The following LURAP1L variants were observed in gnomAD, a reference collection of about 807,000 sequenced individuals.
LURAP1L encodes the protein leucine rich adaptor protein 1-like.
In LURAP1L, 12 loss-of-function variants were observed where a neutral mutation model predicts 13.8. The observed-to-expected ratio is 0.87, with a 90% CI of 0.56 to 1.41. The LOEUF (loss-of-function observed/expected upper bound fraction) is 1.41. LURAP1L is among the 40% of genes most tolerant of loss of function. The pLI is 0.00. For missense variants in LURAP1L, 375 were observed against 292.9 expected (o/e 1.28, Z -2.04); for synonymous variants, 139 against 119.2 (o/e 1.17, Z -1.08).
At chr9:12,802,844 C>T (rs962076686) in intron 1 of LURAP1L, among the ~76,000 whole-genome samples, 10 of 152,158 alleles carry the variant, frequency 6.6e-5, no homozygotes, top group African/African-American at 2.4e-4. Context: ...CCAACACCTG[C>T]TCCCCTGGTT....
intron 1 of LURAP1L, among the ~76,000 whole-genome samples, chr9:12,792,839 A>G (rs374409087): frequency 1.1e-4 from 16 of 151,944 alleles, no homozygotes; most frequent in African/African-American, 3.9e-4. Context: ...TTTACCATTT[A>G]TATTTGTGCT....
intron 1 of LURAP1L, among the ~76,000 whole-genome samples, chr9:12,799,584 C>T (rs1351128862): frequency 6.6e-6 from 1 of 152,032 alleles, no homozygotes; most frequent in African/African-American, 2.4e-5. Flanking sequence ...ATGTGGAAGA[C>T]ATTTTAAAAA....
intron 1 of LURAP1L, among the ~76,000 whole-genome samples, chr9:12,792,034 T>C (rs545302772): frequency 6.6e-6 from 1 of 152,222 alleles, no homozygotes; most frequent in Admixed American, 6.5e-5. Flanking sequence ...GCCTAAAGCA[T>C]AGGAGGGTTG....
intron 1 of LURAP1L, among the ~76,000 whole-genome samples, chr9:12,800,753 A>C (rs746927917): frequency 1.7e-4 from 26 of 152,326 alleles, no homozygotes; most frequent in Non-Finnish European, 2.8e-4. Context: ...GCCTCCTCAG[A>C]AGCTGAGCAG....
At chr9:12,793,582 C>T (rs887124009) in intron 1 of LURAP1L, among the ~76,000 whole-genome samples, 2 of 152,024 alleles carry the variant, frequency 1.3e-5, no homozygotes, top group African/African-American at 4.8e-5. Context: ...AGGTGGAACA[C>T]ATATTCAGTG....
At chr9:12,816,478 C>G (rs576522226) in intron 1 of LURAP1L, among the ~76,000 whole-genome samples, 1 of 152,300 alleles carries the variant, frequency 6.6e-6, no homozygotes, top group Non-Finnish European at 1.5e-5. Flanking sequence ...TACCATGTTC[C>G]TCATACAACA....
rs985183267 is a variant in LURAP1L at position 12,775,906 on chromosome 9, G to A, written c.191G>A (p.Ser64Asn). The A allele has an allele frequency of 9.6e-5, 151 of 1,567,998 alleles. No homozygotes were observed. Among genetic ancestry groups the A allele is most frequent in the Non-Finnish European group, 1.3e-4 (145 of 1,156,224 alleles). ...GGCSSSSSYC[S>N]FPPSLSSSSS... The stretch of plus-strand genomic sequence containing the variant: ...TGCAGTAGCAGCAGCAGCTACTGCA[G>A]CTTCCCTCCCTCCTTGTCGTCCTCC... Residue 64 changes from serine to asparagine, a missense_variant, in exon 1 of 2, where the codon AGC (serine) becomes AAC (asparagine). Transcript: ENST00000319264.
chr9:12,782,028 A>C (rs1675793301), intron 1 of LURAP1L, among the ~76,000 whole-genome samples: 2 of 152,184 alleles, frequency 1.3e-5, no homozygotes. Context: ...AGCACTTTTG[A>C]ATATACCTGA....
intron 1 of LURAP1L, among the ~76,000 whole-genome samples, chr9:12,820,318 C>A (rs1314128969): frequency 6.6e-6 from 1 of 152,038 alleles, no homozygotes; most frequent in Non-Finnish European, 1.5e-5. Flanking sequence ...TCCTGGCCAA[C>A]ATGGTGAAAC....
Position 12,779,344 on chromosome 9 carries a change from G to T in LURAP1L, c.312+3317G>T, listed in dbSNP as rs1024734738. Among the ~76,000 whole-genome samples the T allele has an allele frequency of 6.1e-4, 83 of 135,952 alleles. 1 individual carries two copies. The highest frequency in any genetic ancestry group is 2.1e-3 in the African/African-American group (78 of 36,390). 89.2% of individuals were successfully genotyped at this position (135,952 alleles called of 152,430 possible). ...GGCTGGAATGCAGTGGAGCGATCTCGGCTCACTGCAAGCTCCGCCTCCCAG... is the reference window on the plus strand; with the variant it reads ...GGCTGGAATGCAGTGGAGCGATCTCTGCTCACTGCAAGCTCCGCCTCCCAG... On this transcript the variant is annotated intron_variant, in intron 1 of 1. Coordinates refer to ENST00000319264, the MANE Select transcript of LURAP1L (RefSeq NM_203403.2).
intron 1 of LURAP1L, among the ~76,000 whole-genome samples, chr9:12,801,776 C>T (rs1249341314): frequency 6.6e-6 from 1 of 152,040 alleles, no homozygotes; most frequent in Non-Finnish European, 1.5e-5. Context: ...ACTCAAAACA[C>T]AAGAGGAAGA....
intron 1 of LURAP1L, among the ~76,000 whole-genome samples, chr9:12,810,393 G>C (rs1300091776): frequency 6.6e-6 from 1 of 152,142 alleles, no homozygotes; most frequent in East Asian, 1.9e-4. Flanking sequence ...CTGTCTTCCA[G>C]GGCTGCAATT....
chr9:12,822,516 T>C lies in LURAP1L; in HGVS notation c.*756T>C, dbSNP rs549149091. On this transcript the variant is annotated 3_prime_UTR_variant, in exon 2 of 2. Coordinates refer to ENST00000319264, the MANE Select transcript of LURAP1L (RefSeq NM_203403.2). ...AAGGCAAAAATGTCCTAAATTTAAT[T>C]GCATTTTGAGATTTTGTTGGCATTT... is the stretch of plus-strand genomic sequence containing the variant. Among the ~76,000 whole-genome samples the C allele has an allele frequency of 1.4e-4, 21 of 152,314 alleles. No homozygotes were observed. Among genetic ancestry groups the C allele is most frequent in the Non-Finnish European group, 2.8e-4 (19 of 68,022 alleles).
chr9:12,808,306 T>C (rs1310021698), intron 1 of LURAP1L, among the ~76,000 whole-genome samples: 2 of 152,120 alleles, frequency 1.3e-5, no homozygotes, highest in Non-Finnish European at 2.9e-5. Context: ...AAGTCTTTAG[T>C]ATTTACTACT....
intron 1 of LURAP1L, among the ~76,000 whole-genome samples, chr9:12,786,680 CA>C (rs1235436386): frequency 4.7e-5 from 7 of 149,446 alleles, no homozygotes; most frequent in Non-Finnish European, 7.4e-5. Context: ...CTCATGATAA[CA>C]AAACAGATTC....
intron 1 of LURAP1L, among the ~76,000 whole-genome samples, chr9:12,779,073 T>C (rs1203570369): frequency 6.6e-6 from 1 of 152,142 alleles, no homozygotes. Flanking sequence ...TCTCTCTCTC[T>C]CTTTCTCTCT....
intron 1 of LURAP1L, among the ~76,000 whole-genome samples, chr9:12,807,120 A>T (rs1056189707): frequency 8.4e-6 from 1 of 118,718 alleles, no homozygotes; most frequent in Non-Finnish European, 1.7e-5. Flanking sequence ...TATATATATT[A>T]GCCGGGCGTG....
Position 12,780,314 on chromosome 9 carries a change from G to C in LURAP1L, c.312+4287G>C, listed in dbSNP as rs558855396. Among the ~76,000 whole-genome samples the C allele has an allele frequency of 1.9e-4, 29 of 152,152 alleles. No homozygotes were observed. The South Asian group carries it at 5.6e-3, about 29-fold the overall frequency. On this transcript the variant is annotated intron_variant, in intron 1 of 1. Transcript: ENST00000319264. ...GTGGTGACTTGCCAGGTGTGTGGTT[G>C]AAAACACATCCATCTGAATTGTGCT...
At chr9:12,799,967 G>A (rs918613934) in intron 1 of LURAP1L, among the ~76,000 whole-genome samples, 17 of 151,538 alleles carry the variant, frequency 1.1e-4, no homozygotes, top group Non-Finnish European at 2.1e-4. Flanking sequence ...AATGGTTACT[G>A]GTTACTACAG....
Sources: allele counts gnomAD v4.1 joint callset (sites outside exome capture counted in the v4.1 genomes callset), GRCh38; gene constraint gnomAD v4.1.1; transcripts MANE v1.5; gene names NCBI Gene and HGNC (gene_info 2026-07-23, HGNC 2026-07-21).